Variants in GSTCD observed in about 807,000 individuals in gnomAD.
GSTCD encodes glutathione S-transferase C-terminal domain containing, also known as glutathione S-transferase C-terminal domain-containing protein.
In GSTCD, 44 loss-of-function variants were observed where a neutral mutation model predicts 68.3. The ratio of observed to expected loss-of-function variants is 0.64; its 90% CI spans 0.51 to 0.83. The LOEUF (loss-of-function observed/expected upper bound fraction) is 0.83. Among genes scored for constraint, GSTCD ranks in the 40% least tolerant of loss-of-function variants. The pLI is 0.00. For missense variants in GSTCD, 739 were observed against 735.9 expected, an observed-to-expected ratio of 1.00 and a Z score of -0.05; for synonymous variants, 273 against 255.2, an observed-to-expected ratio of 1.07 and a Z score of -0.67.
intron 5 of GSTCD, among the ~76,000 whole-genome samples, chr4:105,816,488 A>G (rs1286404249): frequency 1.3e-5 from 2 of 152,130 alleles, no homozygotes; most frequent in Non-Finnish European, 2.9e-5. Context: ...TTAGCAATAT[A>G]TTCTAAAATC....
intron 1 of GSTCD, among the ~76,000 whole-genome samples, chr4:105,709,706 A>G (rs1732453786): frequency 6.6e-6 from 1 of 152,148 alleles, no homozygotes; most frequent in South Asian, 2.1e-4. Context: ...CCTTGTCATA[A>G]ATTCTTGAAT....
At chr4:105,815,994 A>G (rs1363866584) in intron 5 of GSTCD, among the ~76,000 whole-genome samples, 1 of 152,158 alleles carries the variant, frequency 6.6e-6, no homozygotes, top group Non-Finnish European at 1.5e-5. Flanking sequence ...GGTATTCGGA[A>G]ATTAAATTTT....
At chr4:105,825,283 C>G (rs1009530131) in intron 7 of GSTCD, among the ~76,000 whole-genome samples, 4 of 152,146 alleles carry the variant, frequency 2.6e-5, no homozygotes, top group African/African-American at 9.7e-5. Flanking sequence ...ATGCACACTA[C>G]TATGCCCGGC....
chr4:105,806,301 A>T (rs1722494288), intron 5 of GSTCD, among the ~76,000 whole-genome samples: 1 of 152,102 alleles, frequency 6.6e-6, no homozygotes, highest in African/African-American at 2.4e-5. Context: ...TCTTTTATTC[A>T]TATGGAAAAT....
At chr4:105,717,528 A>T in intron 1 of GSTCD, 65 bp from the exon 2 acceptor site, 1 of 1,006,780 alleles carries the variant, frequency 9.9e-7, no homozygotes, top group Non-Finnish European at 1.5e-6. Flanking sequence ...TGAAACATTC[A>T]TCTTTTATTT....
At chr4:105,730,428 C>T (rs1341853132) in intron 5 of GSTCD, among the ~76,000 whole-genome samples, 3 of 152,166 alleles carry the variant, frequency 2.0e-5, no homozygotes, top group East Asian at 1.9e-4. Flanking sequence ...TTTTAATGAT[C>T]ACCATTCTAA....
chr4:105,751,976 G>A (rs1734024561), intron 5 of GSTCD, among the ~76,000 whole-genome samples: 1 of 152,176 alleles, frequency 6.6e-6, no homozygotes, highest in Admixed American at 6.5e-5. Context: ...AGGCCTGAAA[G>A]AGTAGCAAGA....
chr4:105,778,179 A>G (rs1244610289), intron 5 of GSTCD, among the ~76,000 whole-genome samples: 3 of 152,196 alleles, frequency 2.0e-5, no homozygotes, highest in Admixed American at 6.5e-5. Flanking sequence ...TTACATTAAT[A>G]ATAGAACCTA....
At chr4:105,799,503 A>T (rs1342276105) in intron 5 of GSTCD, among the ~76,000 whole-genome samples, 1 of 152,108 alleles carries the variant, frequency 6.6e-6, no homozygotes, top group Non-Finnish European at 1.5e-5. Context: ...GCCTAATTCC[A>T]GTATTTTTGT....
Position 105,823,052 on chromosome 4 carries a change from G to T in GSTCD, c.1339G>T (p.Asp447Tyr). ...NQAKPGDRIV[D>Y]FCSGGGHVGI... ...GGCCAAACCTGGTGACAGAATTGTG[G>T]ATTTCTGCAGCGGTGGGGTATTTTA... Residue 447 changes from aspartate to tyrosine, a missense_variant, in exon 6 of 12, where the codon GAT (aspartate) becomes TAT (tyrosine). Coordinates refer to ENST00000515279, the MANE Select transcript of GSTCD (RefSeq NM_001370181.1). 6.2e-7 allele frequency: 1 copy of T among 1,613,470 alleles called. No homozygotes were observed. Among genetic ancestry groups the T allele is most frequent in the Non-Finnish European group, 8.5e-7 (1 of 1,179,470 alleles).
intron 5 of GSTCD, among the ~76,000 whole-genome samples, chr4:105,756,797 C>G (rs1351416151): frequency 2.6e-5 from 4 of 151,806 alleles, no homozygotes; most frequent in Non-Finnish European, 5.9e-5. Flanking sequence ...TAGAGATCAC[C>G]TAAAATCAGA....
At chr4:105,741,328 CAAAGATAGTA>C (rs1310991573) in intron 5 of GSTCD, among the ~76,000 whole-genome samples, 1 of 151,990 alleles carries the variant, frequency 6.6e-6, no homozygotes, top group Non-Finnish European at 1.5e-5. Flanking sequence ...TAATTGTATA[CAAAGATAGTA>C]AAGAATTTGT....
intron 5 of GSTCD, among the ~76,000 whole-genome samples, chr4:105,800,161 T>C (rs954117085): frequency 1.3e-5 from 2 of 152,198 alleles, no homozygotes; most frequent in Non-Finnish European, 2.9e-5. Context: ...CTTGCAGTTA[T>C]ACATGGCTGG....
rs188101762 is a variant in GSTCD at position 105,804,143 on chromosome 4, T to C, written c.1241-18811T>C. ...TTAGTTATCTGGTAGTATTTAGTTA[T>C]CAGAAATTTTCCAAAAATGTCAGAT... is the stretch of plus-strand genomic sequence containing the variant. On this transcript the variant is annotated intron_variant, in intron 5 of 11. Coordinates refer to ENST00000515279, the MANE Select transcript of GSTCD (RefSeq NM_001370181.1). Among the ~76,000 whole-genome samples the C allele has an allele frequency of 2.0e-5, 3 of 152,144 alleles. No homozygotes were observed. In the East Asian group the frequency reaches 5.8e-4, roughly 29 times the overall value.
Position 105,846,536 on chromosome 4 carries a change from A to G in GSTCD, c.*959A>G, listed in dbSNP as rs2149291610. The G allele has an allele frequency of 6.6e-6, 1 of 152,010 alleles. No homozygotes were observed. The highest frequency in any genetic ancestry group is 2.1e-4 in the South Asian group (1 of 4,808). The allele number at this position is 152,010 out of a possible 1,614,324, so 9.4% of individuals were successfully genotyped here. On this transcript the variant is annotated 3_prime_UTR_variant, in exon 12 of 12. Transcript: ENST00000515279. ...ATTAATACATTTAAGTTTATAAGTA[A>G]TTATTGAGGATCCAGTATTTTCAAG...
chr4:105,825,773 A>C lies in GSTCD; in HGVS notation c.1503A>C (p.Glu501Asp), dbSNP rs772856722. Reference sequence around the variant, plus strand: ...TTTGGTTCATTCAAGCAAATATGGAATATTTTACTGGGATGTTTAATATTG... The same window carrying C: ...TTTGGTTCATTCAAGCAAATATGGACTATTTTACTGGGATGTTTAATATTG... ...SNIWFIQANM[E>D]YFTGMFNIGV... The change falls in exon 8 of 12, where the codon GAA (glutamate) becomes GAC (aspartate). Residue 501 changes from glutamate (E) to aspartate (D), a missense_variant. Glu to Asp is a conservative substitution (Grantham distance 45). Transcript: ENST00000515279. 3 of 1,546,556 alleles carry C rather than the reference A, an allele frequency of 1.9e-6. No individual in the cohort carries two copies. The South Asian group carries it at 3.4e-5, about 17-fold the overall frequency.
chr4:105,783,764 T>G (rs1735367141), intron 5 of GSTCD, among the ~76,000 whole-genome samples: 1 of 152,222 alleles, frequency 6.6e-6, no homozygotes, highest in African/African-American at 2.4e-5. Context: ...TCCCAATATC[T>G]TTTATATTTA....
chr4:105,812,652 A>AAT (rs1158521376), intron 5 of GSTCD, among the ~76,000 whole-genome samples: 6 of 152,184 alleles, frequency 3.9e-5, no homozygotes, highest in Non-Finnish European at 5.9e-5. Context: ...GTAAGTCTTG[A>AAT]ATATATATAT....
At chr4:105,825,425 C>T (rs571352080) in intron 7 of GSTCD, among the ~76,000 whole-genome samples, 51 of 152,284 alleles carry the variant, frequency 3.3e-4, no homozygotes, top group Middle Eastern at 3.4e-3. Context: ...CCACCACGCC[C>T]GGCCCACGCT....
Sources: allele counts gnomAD v4.1 joint callset (sites outside exome capture counted in the v4.1 genomes callset), GRCh38; gene constraint gnomAD v4.1.1; transcripts MANE v1.5; gene names NCBI Gene and HGNC (gene_info 2026-07-23, HGNC 2026-07-21).